MAP3K14: variants seen among roughly 807,000 people sequenced by gnomAD.
MAP3K14 encodes the protein mitogen-activated protein kinase kinase kinase 14.
In MAP3K14, 16 loss-of-function variants were observed where a neutral mutation model predicts 99.2. The ratio of observed to expected loss-of-function variants is 0.16; its 90% CI spans 0.11 to 0.24. The LOEUF is 0.24. Among genes scored for constraint, MAP3K14 ranks in the 10% least tolerant of loss-of-function variants. The pLI, the probability that MAP3K14 is intolerant of heterozygous loss-of-function variation, is 1.00. For missense variants in MAP3K14, 784 were observed against 1,208.7 expected (o/e 0.65, Z 5.21); for synonymous variants, 462 against 492.4 (o/e 0.94, Z 0.82).
At chr17:45,288,894 C>A (rs928207278) in intron 3 of MAP3K14, among the ~76,000 whole-genome samples, 3 of 152,252 alleles carry the variant, frequency 2.0e-5, no homozygotes, top group African/African-American at 7.2e-5. Flanking sequence ...ACCCGGCCTG[C>A]GCTCACGGTC....
chr17:45,284,587 CTGCCTCTCACAT>C (rs1417225285), intron 6 of MAP3K14, among the ~76,000 whole-genome samples: 1 of 152,262 alleles, frequency 6.6e-6, no homozygotes, highest in Admixed American at 6.5e-5. Flanking sequence ...TCCTCTCACA[CTGCCTCTCACAT>C]ACACACATGC....
intron 1 of MAP3K14, among the ~76,000 whole-genome samples, chr17:45,312,424 G>A (rs766406116): frequency 1.8e-4 from 28 of 152,180 alleles, no homozygotes; most frequent in African/African-American, 6.3e-4. Context: ...ATGACTCTTC[G>A]GCCATCAAGT....
chr17:45,288,151 CCTACAGG>C (rs1425643419), intron 3 of MAP3K14, among the ~76,000 whole-genome samples: 2 of 152,194 alleles, frequency 1.3e-5, no homozygotes, highest in African/African-American at 2.4e-5. Context: ...CCACTGGAGG[CCTACAGG>C]CTTCTCTTGG....
At chr17:45,280,343 G>A (rs1235273150) in intron 6 of MAP3K14, among the ~76,000 whole-genome samples, 4 of 130,088 alleles carry the variant, frequency 3.1e-5, no homozygotes, top group Admixed American at 9.4e-5. Context: ...TTGCTCTGTC[G>A]CCCAGGCTGG....
rs1358596130 is a variant in MAP3K14 at position 45,267,182 on chromosome 17, G to A, written c.2343C>T (p.Ser781=). Residue 781 remains serine, a synonymous_variant, in exon 13 of 16, where the codon AGC becomes AGT. Coordinates refer to ENST00000344686, the MANE Select transcript of MAP3K14 (RefSeq NM_003954.5). The surrounding 1 kb of genome is among the most constrained non-coding windows in gnomAD (Gnocchi z 5.1). ...CCTCCAGAGAAAATGGCTGGGACAG[G>A]CTGTTGAGGAATAATTCTGCAGGGA... The part of the protein sequence containing the change: ...QQLEIELFLN[S]LSQPFSLEEQ... 6.3e-7 allele frequency: 1 copy of A among 1,595,758 alleles called. No individual in the cohort carries two copies. The highest frequency in any genetic ancestry group is 1.1e-5 in the South Asian group (1 of 87,966).
At chr17:45,291,157 C>G (rs1436894765) in intron 1 of MAP3K14, among the ~76,000 whole-genome samples, 1 of 152,174 alleles carries the variant, frequency 6.6e-6, no homozygotes, top group East Asian at 1.9e-4. Flanking sequence ...GGTGGTGAAT[C>G]CCAGACTCCA....
In MAP3K14 at chr17:45,267,550, G is replaced by A. The variant is rs1199209106; in HGVS notation, c.2182C>T (p.Pro728Ser). The A allele has an allele frequency of 1.9e-6, 3 of 1,613,586 alleles. No homozygotes were observed. The highest frequency in any genetic ancestry group is 1.7e-5 in the Admixed American group (1 of 59,934). The stretch of plus-strand genomic sequence containing the variant: ...TCCTCCTTGCTCAAAGTCAAGGGAG[G>A]AGACTTGTTTGGCTCTGGGGGCTCT... ...PPEPPEPNKS[P>S]PLTLSKEESG... Residue 728 changes from proline to serine, a missense_variant, in exon 12 of 16, where the codon CCT (proline) becomes TCT (serine). Physicochemically the swap from Pro to Ser is moderately conservative, Grantham distance 74. Coordinates refer to ENST00000344686, the MANE Select transcript of MAP3K14 (RefSeq NM_003954.5). This position sits in a 1 kb window ranked among gnomAD's most constrained non-coding sequence, Gnocchi z 5.1.
At chr17:45,301,124 C>T (rs142405851) in intron 1 of MAP3K14, among the ~76,000 whole-genome samples, 3,294 of 150,154 alleles carry the variant, frequency 0.022, 121 homozygotes, top group African/African-American at 0.076. Flanking sequence ...GCCATGATTA[C>T]GCCACTGCAC....
At chr17:45,268,860 C>T (rs553048547) in intron 11 of MAP3K14, among the ~76,000 whole-genome samples, 11 of 152,250 alleles carry the variant, frequency 7.2e-5, no homozygotes, top group African/African-American at 2.2e-4. Flanking sequence ...TCCTTGGTCT[C>T]AGTCTGCAGA....
At chr17:45,289,168 A>C in intron 3 of MAP3K14, 68 bp downstream of exon 3, 3 of 1,434,754 alleles carry the variant, frequency 2.1e-6, no homozygotes, top group Non-Finnish European at 2.0e-6. Context: ...CGGCCCAGGC[A>C]AGTGCTGGGG....
At chr17:45,310,274 TC>T (rs1294941054) in intron 1 of MAP3K14, among the ~76,000 whole-genome samples, 1 of 152,020 alleles carries the variant, frequency 6.6e-6, no homozygotes, top group Non-Finnish European at 1.5e-5. Context: ...GACCTTGTGA[TC>T]CGCCCGCCTC....
At position 45,272,881 on chromosome 17, in the gene MAP3K14, A is replaced by G. The variant is rs2044151301; in HGVS notation, c.1657+622T>C. Among the ~76,000 whole-genome samples, 1 of 152,184 alleles carries G rather than the reference A, an allele frequency of 6.6e-6. No homozygotes were observed. Among genetic ancestry groups the G allele is most frequent in the African/African-American group, 2.4e-5 (1 of 41,450 alleles). ...CTTGAACCCGGGAGGAGGAGGTTGC[A>G]GTGAGCTGAGATTGTGCCACTGCAC... On this transcript the variant is annotated intron_variant, in intron 9 of 15. Transcript: ENST00000344686. The surrounding 1 kb of genome is among the most constrained non-coding windows in gnomAD (Gnocchi z 4.1).
chr17:45,267,378 G>A lies in MAP3K14; in HGVS notation c.2326+28C>T, dbSNP rs2044097573. On this transcript the variant is annotated intron_variant, in intron 12 of 15. Transcript: ENST00000344686. The surrounding 1 kb of genome is among the most constrained non-coding windows in gnomAD (Gnocchi z 5.1). ...GGGTGGCCCAGGGCCAGTGCTCAGG[G>A]CCCCACTGCAGCCACGGCTGCCCGT... 3 of 1,554,762 alleles carry A rather than the reference G, an allele frequency of 1.9e-6. No individual in the cohort carries two copies. The South Asian group carries it at 3.5e-5, about 18-fold the overall frequency.
At chr17:45,290,252 CCT>C (rs746461983) in intron 2 of MAP3K14, among the ~76,000 whole-genome samples, 15 of 152,208 alleles carry the variant, frequency 9.9e-5, no homozygotes, top group Non-Finnish European at 2.2e-4. Context: ...TCGTCTGTTA[CCT>C]CTCTTCCCCT....
intron 6 of MAP3K14, among the ~76,000 whole-genome samples, chr17:45,277,874 A>G (rs960269956): frequency 5.3e-5 from 8 of 152,224 alleles, no homozygotes; most frequent in Non-Finnish European, 1.2e-4. Context: ...TACTTCAAGG[A>G]GAAAATGTGG....
chr17:45,273,555 A>G lies in MAP3K14; in HGVS notation c.1605T>C (p.Phe535=). The G allele has an allele frequency of 6.2e-7, 1 of 1,613,572 alleles. No individual in the cohort carries two copies. The highest frequency in any genetic ancestry group is 1.1e-5 in the South Asian group (1 of 90,970). ...SDGSHAALCD[F]GHAVCLQPDG... ...CAGGTTGAAGACACACAGCATGGCC[A>G]AAGTCACAGAGGGCTGCGTGGCTCC... is the stretch of plus-strand genomic sequence containing the variant. Residue 535 remains phenylalanine, a synonymous_variant, in exon 9 of 16, where the codon TTT becomes TTC. Coordinates refer to ENST00000344686, the MANE Select transcript of MAP3K14 (RefSeq NM_003954.5).
rs1254595608 is a variant in MAP3K14 at position 45,289,319 on chromosome 17, A to C, written c.257-14T>G. 6.2e-7 allele frequency: 1 copy of C among 1,610,824 alleles called. No individual in the cohort carries two copies. Among genetic ancestry groups the C allele is most frequent in the Non-Finnish European group, 8.5e-7 (1 of 1,177,056 alleles). On this transcript the variant is annotated splice_polypyrimidine_tract_variant and intron_variant, in intron 2 of 15. Transcript: ENST00000344686. ...GGCTATTCTCACCTAAAGCAAAAGG[A>C]GTTGGATTAGCAGAGAGGAGAAAAA...
chr17:45,310,312 G>A (rs1469042281), intron 1 of MAP3K14, among the ~76,000 whole-genome samples: 1 of 152,056 alleles, frequency 6.6e-6, no homozygotes, highest in Non-Finnish European at 1.5e-5. Flanking sequence ...GGGATTACAG[G>A]CACGAGCCAC....
intron 15 of MAP3K14, 31 bp downstream of exon 15, chr17:45,265,132 C>T (rs377450239): frequency 6.4e-6 from 10 of 1,562,256 alleles, no homozygotes; most frequent in Non-Finnish European, 8.8e-6. Flanking sequence ...TTCTGGGACT[C>T]TGCCCGTCAG....
Sources: gnomAD v4.1 joint callset for allele counts (sites outside exome capture counted in the v4.1 genomes callset) on GRCh38, gnomAD v4.1.1 for gene constraint, Gnocchi (gnomAD v3.1) non-coding constraint, MANE v1.5 for transcripts, NCBI Gene and HGNC (gene_info 2026-07-23, HGNC 2026-07-21) for gene names.